Variants in IQSEC3 observed in about 807,000 individuals in gnomAD.
IQSEC3 encodes the protein IQ motif and SEC7 domain-containing protein 3.
IQSEC3 carries 50 observed loss-of-function variants against 105.4 expected under a neutral mutation model. The observed-to-expected ratio is 0.47, with a 90% CI of 0.38 to 0.60. IQSEC3 has a LOEUF of 0.60. Among genes scored for constraint, IQSEC3 ranks in the 20% least tolerant of loss-of-function variants. IQSEC3 has a pLI of 0.00. For missense variants in IQSEC3, 1,415 were observed against 1,630.0 expected, an observed-to-expected ratio of 0.87 and a Z score of 2.27; for synonymous variants, 708 against 746.0, an observed-to-expected ratio of 0.95 and a Z score of 0.83.
chr12:131,971 C>T lies in IQSEC3; in HGVS notation c.903+6059C>T, dbSNP rs147401796. Among the ~76,000 whole-genome samples the T allele has an allele frequency of 2.7e-3, 404 of 152,154 alleles. 5 individuals are homozygous for T. Among genetic ancestry groups the T allele is most frequent in the Middle Eastern group, 0.014 (4 of 294 alleles). Reference sequence around the variant, plus strand: ...AGGATGACTAAGACATATTTGATGCCGTGAATAACTTATGCTCTGTTGGAG... The same window carrying T: ...AGGATGACTAAGACATATTTGATGCTGTGAATAACTTATGCTCTGTTGGAG... On this transcript the variant is annotated intron_variant, in intron 3 of 13. Coordinates refer to ENST00000538872, the MANE Select transcript of IQSEC3 (RefSeq NM_001170738.2).
At chr12:131,124 G>A (rs569455863) in intron 3 of IQSEC3, among the ~76,000 whole-genome samples, 48 of 150,498 alleles carry the variant, frequency 3.2e-4, no homozygotes, top group African/African-American at 1.1e-3. Flanking sequence ...GCCTCTTCAG[G>A]CTCAGCTGCC....
chr12:112,738 G>A (rs1006557127), intron 2 of IQSEC3, among the ~76,000 whole-genome samples: 19 of 152,186 alleles, frequency 1.2e-4, no homozygotes, highest in Non-Finnish European at 2.2e-4. Context: ...TGCTCATGGA[G>A]AGACCCAGGG....
Position 138,716 on chromosome 12 carries a change from C to T in IQSEC3, c.1353C>T (p.Ala451=), listed in dbSNP as rs1440359823. ...CCGCGGGGCCCCCAGGCCTGGAGGC[C>T]GAGGGGCGGGCGCCGGAGAGCGCGG... is the stretch of plus-strand genomic sequence containing the variant. ...QAAAGPPGLE[A]EGRAPESAGP... The change falls in exon 4 of 14, where the codon GCC becomes GCT. Residue 451 remains alanine, a synonymous_variant. Coordinates refer to ENST00000538872, the MANE Select transcript of IQSEC3 (RefSeq NM_001170738.2). The surrounding 1 kb of genome is among the most constrained non-coding windows in gnomAD (Gnocchi z 7.1). 6.6e-7 allele frequency: 1 copy of T among 1,504,352 alleles called. No homozygotes were observed. The allele number at this position is 1,504,352 out of a possible 1,614,324, so 93.2% of individuals were successfully genotyped here. A position where few individuals can be genotyped will look rare whatever the true frequency, so the allele number is the denominator to read the frequency against.
intron 1 of IQSEC3, among the ~76,000 whole-genome samples, chr12:91,643 G>C: frequency 6.6e-6 from 1 of 152,174 alleles, no homozygotes. Flanking sequence ...TCTGGGTGTG[G>C]TGGCACATGC....
intron 1 of IQSEC3, among the ~76,000 whole-genome samples, chr12:93,113 T>C (rs1864142326): frequency 6.6e-6 from 1 of 152,190 alleles, no homozygotes; most frequent in Non-Finnish European, 1.5e-5. Context: ...ACTATTATCC[T>C]AGCTTTACTG....
intron 13 of IQSEC3, among the ~76,000 whole-genome samples, chr12:171,818 G>A (rs572745318): frequency 6.6e-6 from 1 of 152,306 alleles, no homozygotes; most frequent in Admixed American, 6.5e-5. Context: ...CTGTCCTGGG[G>A]GAAGTGATAA....
At chr12:115,997 C>T (rs1398208808) in intron 2 of IQSEC3, among the ~76,000 whole-genome samples, 2 of 152,196 alleles carry the variant, frequency 1.3e-5, no homozygotes, top group Non-Finnish European at 2.9e-5. Flanking sequence ...ATTCTTCCTA[C>T]TTTTCATTTT....
chr12:120,037 A>G (rs1865167596), intron 2 of IQSEC3, among the ~76,000 whole-genome samples: 1 of 152,222 alleles, frequency 6.6e-6, no homozygotes, highest in Non-Finnish European at 1.5e-5. Context: ...CCCATTTAAC[A>G]TTTATTGCAC....
chr12:99,155 C>T lies in IQSEC3; in HGVS notation c.564C>T (p.Thr188=), dbSNP rs782221108. 12 of 1,598,626 alleles carry T rather than the reference C, an allele frequency of 7.5e-6. No individual in the cohort carries two copies. The South Asian group carries it at 9.9e-5, about 13-fold the overall frequency. ...TCTGCTCTGCCCGCAGGAATGAGAC[C>T]GTGCTGCACCAGTTCTGCTGCCCAG... ...GVLSRRPENE[T]VLHQFCCPAA... The change falls in exon 2 of 14, where the codon ACC becomes ACT. Residue 188 remains threonine, a synonymous_variant. Transcript: ENST00000538872.
rs1313881268 is a variant in IQSEC3, at chr12:152,584, T to C, written c.2154-4441T>C. 6.6e-6 allele frequency among the ~76,000 whole-genome samples: 1 copy of C among 152,218 alleles called. No individual in the cohort carries two copies. The highest frequency in any genetic ancestry group is 1.5e-5 in the Non-Finnish European group (1 of 68,042). ...AACATAATGGTACAATGGTTCATAT[T>C]GCACAAGCTTGAGAAGATGAGGTCA... On this transcript the variant is annotated intron_variant, in intron 5 of 13. Transcript: ENST00000538872. This position sits in a 1 kb window ranked among gnomAD's most constrained non-coding sequence, Gnocchi z 4.8.
At chr12:90,321 C>A (rs897169053) in intron 1 of IQSEC3, among the ~76,000 whole-genome samples, 1 of 152,082 alleles carries the variant, frequency 6.6e-6, no homozygotes, top group Non-Finnish European at 1.5e-5. Context: ...ATTGATGTAC[C>A]TTTTTCATTT....
Position 138,728 on chromosome 12 carries a change from G to A in IQSEC3, c.1365G>A (p.Ala455=), listed in dbSNP as rs782380373. The A allele has an allele frequency of 6.7e-7, 1 of 1,499,118 alleles. No homozygotes were observed. 92.9% of individuals were successfully genotyped at this position (1,499,118 alleles called of 1,614,324 possible). ...GPPGLEAEGR[A]PESAGPGPGD... ...CAGGCCTGGAGGCCGAGGGGCGGGC[G>A]CCGGAGAGCGCGGGCCCCGGGCCCG... The change falls in exon 4 of 14, where the codon GCG becomes GCA. Residue 455 remains alanine, a synonymous_variant. Coordinates refer to ENST00000538872, the MANE Select transcript of IQSEC3 (RefSeq NM_001170738.2). The surrounding 1 kb of genome is among the most constrained non-coding windows in gnomAD (Gnocchi z 7.1).
intron 11 of IQSEC3, chr12:166,336 C>A (rs1938649158): frequency 5.9e-6 from 1 of 170,346 alleles, no homozygotes; most frequent in Non-Finnish European, 1.2e-5. Context: ...TGAATCATCC[C>A]TCCACTTCAT....
At chr12:163,938 GCA>G (rs782087673) in intron 9 of IQSEC3, among the ~76,000 whole-genome samples, 23 of 152,186 alleles carry the variant, frequency 1.5e-4, no homozygotes, top group Non-Finnish European at 2.9e-4. Context: ...GACAGGGAGT[GCA>G]CAGGGCTGTG....
At chr12:93,234 T>G (rs1864146962) in intron 1 of IQSEC3, among the ~76,000 whole-genome samples, 1 of 152,152 alleles carries the variant, frequency 6.6e-6, no homozygotes, top group Non-Finnish European at 1.5e-5. Context: ...AAAGCTTCAC[T>G]GGGGTTTGAG....
intron 1 of IQSEC3, among the ~76,000 whole-genome samples, chr12:82,674 G>A (rs544105770): frequency 7.9e-5 from 12 of 152,232 alleles, no homozygotes; most frequent in South Asian, 6.2e-4. Flanking sequence ...AGTGAGGCAC[G>A]GTGTTAAGCA....
rs1459197112 is a variant in IQSEC3 at position 169,254 on chromosome 12, C to A, written c.3064+149C>A. 1.1e-5 allele frequency: 7 copies of A among 644,722 alleles called. No homozygotes were observed. The African/African-American group carries it at 1.3e-4, about 12-fold the overall frequency. The allele number at this position is 644,722 out of a possible 1,614,324, so 39.9% of individuals were successfully genotyped here. A position where few individuals can be genotyped will look rare whatever the true frequency, so the allele number is the denominator to read the frequency against. On this transcript the variant is annotated intron_variant, in intron 12 of 13. Transcript: ENST00000538872. ...GAGCGCCAGGCTTGCCTTCTTTAATCTCATGAGCTTTAGTGGTGGGAGTGA... is the reference window on the plus strand; with the variant it reads ...GAGCGCCAGGCTTGCCTTCTTTAATATCATGAGCTTTAGTGGTGGGAGTGA...
At chr12:80,185 G>C (rs1430668731) in intron 1 of IQSEC3, among the ~76,000 whole-genome samples, 1 of 152,234 alleles carries the variant, frequency 6.6e-6, no homozygotes, top group Non-Finnish European at 1.5e-5. Context: ...TGGCTGACGT[G>C]CTGCTGCAGC....
At chr12:146,167 A>T (rs1288542617) in intron 5 of IQSEC3, among the ~76,000 whole-genome samples, 3 of 152,254 alleles carry the variant, frequency 2.0e-5, no homozygotes, top group African/African-American at 7.2e-5. Context: ...AACAGTCTGG[A>T]AGGCTCTGGC....
Sources: allele counts gnomAD v4.1 joint callset (sites outside exome capture counted in the v4.1 genomes callset), GRCh38; gene constraint gnomAD v4.1.1; non-coding constraint Gnocchi (gnomAD v3.1); transcripts MANE v1.5; gene names NCBI Gene and HGNC (gene_info 2026-07-23, HGNC 2026-07-21).